Variants in ARHGEF2 observed in about 807,000 individuals in gnomAD.
The protein encoded by ARHGEF2 is Rho/Rac guanine nucleotide exchange factor 2.
In ARHGEF2, 22 loss-of-function variants were observed where a neutral mutation model predicts 121.0. That is an observed-to-expected ratio of 0.18 (90% CI 0.13 to 0.26). ARHGEF2 has a LOEUF of 0.26. ARHGEF2 is among the 10% of genes least tolerant of loss of function. The pLI is 1.00. For synonymous variants in ARHGEF2, 487 were observed against 530.0 expected, an observed-to-expected ratio of 0.92 and a Z score of 1.11; for missense variants, 907 against 1,336.0, an observed-to-expected ratio of 0.68 and a Z score of 5.01.
intron 1 of ARHGEF2, among the ~76,000 whole-genome samples, chr1:155,973,976 C>T (rs978804192): frequency 2.0e-5 from 3 of 151,614 alleles, no homozygotes; most frequent in Admixed American, 6.6e-5. Flanking sequence ...GGCAGATCCA[C>T]CCAGGCGAGG....
chr1:155,956,079 C>A (rs958134488), intron 13 of ARHGEF2, among the ~76,000 whole-genome samples: 1 of 152,024 alleles, frequency 6.6e-6, no homozygotes, highest in Non-Finnish European at 1.5e-5. Context: ...TTATTTTGAA[C>A]TGCTTTCTTG....
Position 155,978,187 on chromosome 1 carries a change from CA to C in ARHGEF2, c.63+177del. On this transcript the variant is annotated intron_variant, in intron 1 of 21. Coordinates refer to ENST00000361247, the MANE Select transcript of ARHGEF2 (RefSeq NM_001162383.2). This position sits in a 1 kb window ranked among gnomAD's most constrained non-coding sequence, Gnocchi z 4.1. ...GCACCGTCGCGTCTGCCGCTCCCCC[CA>C]CCCCTACCCACTCGCTCGCAGTCCC... is the stretch of plus-strand genomic sequence containing the variant. 3 of 1,313,120 alleles carry C rather than the reference CA, an allele frequency of 2.3e-6. No individual in the cohort carries two copies. The highest frequency in any genetic ancestry group is 9.8e-7 in the Non-Finnish European group (1 of 1,025,188). 81.3% of individuals were successfully genotyped at this position (1,313,120 alleles called of 1,614,324 possible). A position where few individuals can be genotyped will look rare whatever the true frequency, so the allele number is the denominator to read the frequency against.
intron 11 of ARHGEF2, 123 bp from the exon 12 acceptor site, chr1:155,958,519 T>C (rs1677150491): frequency 1.5e-6 from 1 of 659,092 alleles, no homozygotes; most frequent in African/African-American, 1.9e-5. Context: ...CTTCCTGGCC[T>C]CTCTTCCCTC....
In ARHGEF2 at chr1:155,969,299, G is replaced by T; in HGVS notation, c.65C>A (p.Thr22Asn). Residue 22 changes from threonine (T) to asparagine (N), a missense_variant and splice_region_variant, in exon 2 of 22, where the codon ACC becomes AAC. Physicochemically the swap from Thr to Asn is moderately conservative, Grantham distance 65 (BLOSUM62 0). Around this residue, in one of 2 missense-constraint regions of ARHGEF2, gnomAD observed 475 missense variants for 776.5 expected, o/e 0.61. Coordinates refer to ENST00000361247, the MANE Select transcript of ARHGEF2 (RefSeq NM_001162383.2). The stretch of plus-strand genomic sequence containing the variant: ...TTCCTTCATCTTCTCCTTTTCCCGG[G>T]TCTGTGGAAGGGATGAGAGGGAGAG... Reference protein sequence around the residue: ...IDRSRELASKTREKEKMKEAK... With the variant: ...IDRSRELASKNREKEKMKEAK... 6.2e-7 allele frequency: 1 copy of T among 1,614,040 alleles called. No individual in the cohort carries two copies. Among genetic ancestry groups the T allele is most frequent in the Non-Finnish European group, 8.5e-7 (1 of 1,180,002 alleles).
chr1:155,978,281 G>C lies in ARHGEF2; in HGVS notation c.63+84C>G. The C allele has an allele frequency of 7.3e-7, 1 of 1,374,740 alleles. No homozygotes were observed. The allele number at this position is 1,374,740 out of a possible 1,614,324, so 85.2% of individuals were successfully genotyped here. A position where few individuals can be genotyped will look rare whatever the true frequency, so the allele number is the denominator to read the frequency against. On this transcript the variant is annotated intron_variant, in intron 1 of 21. Coordinates refer to ENST00000361247, the MANE Select transcript of ARHGEF2 (RefSeq NM_001162383.2). The surrounding 1 kb of genome is among the most constrained non-coding windows in gnomAD (Gnocchi z 4.1). Reference sequence around the variant, plus strand: ...GATTTTGGCGCCCAGAAAGCAGGCGGGGAGACAGGAGATGCACCGCGGGTG... The same window carrying C: ...GATTTTGGCGCCCAGAAAGCAGGCGCGGAGACAGGAGATGCACCGCGGGTG...
chr1:155,957,955 C>T (rs540853475), intron 12 of ARHGEF2, 73 bp from the exon 13 acceptor site: 2 of 1,478,800 alleles, frequency 1.4e-6, no homozygotes, highest in African/African-American at 2.8e-5. Flanking sequence ...TTCAATCCTT[C>T]TGGACGAGGA....
chr1:155,969,256 A>G lies in ARHGEF2; in HGVS notation c.108T>C (p.Tyr36=). The part of the protein sequence containing the change: ...EKMKEAKDAR[Y]TNGHLFTTIS... ...TGGTGGTGAAGAGGTGCCCATTGGTATAGCGGGCATCCTTGGCTTCCTTCA... is the reference window on the plus strand; with the variant it reads ...TGGTGGTGAAGAGGTGCCCATTGGTGTAGCGGGCATCCTTGGCTTCCTTCA... Residue 36 remains tyrosine, a synonymous_variant, in exon 2 of 22, where the codon TAT becomes TAC. Coordinates refer to ENST00000361247, the MANE Select transcript of ARHGEF2 (RefSeq NM_001162383.2). The G allele has an allele frequency of 6.2e-7, 1 of 1,614,060 alleles. No individual in the cohort carries two copies. Among genetic ancestry groups the G allele is most frequent in the Non-Finnish European group, 8.5e-7 (1 of 1,179,914 alleles).
rs945389417 is a variant in ARHGEF2, at chr1:155,947,794, C to T, written c.*148G>A. The stretch of plus-strand genomic sequence containing the variant: ...CTAATTCCCCTAGCTTCTTAAATGG[C>T]CCCAGGTATCCAAGGATCCCAAGAG... On this transcript the variant is annotated 3_prime_UTR_variant, in exon 22 of 22. Transcript: ENST00000361247. 3 of 585,738 alleles carry T rather than the reference C, an allele frequency of 5.1e-6. No individual in the cohort carries two copies. Among genetic ancestry groups the T allele is most frequent in the East Asian group, 5.8e-5 (2 of 34,420 alleles). The allele number at this position is 585,738 out of a possible 1,614,324, so 36.3% of individuals were successfully genotyped here.
At chr1:155,959,287 C>T (rs1286321183) in intron 11 of ARHGEF2, among the ~76,000 whole-genome samples, 1 of 151,976 alleles carries the variant, frequency 6.6e-6, no homozygotes, top group African/African-American at 2.4e-5. Context: ...CTCACTCTGT[C>T]GCCTAGGCTG....
At chr1:155,974,036 T>C (rs1371478442) in intron 1 of ARHGEF2, among the ~76,000 whole-genome samples, 1 of 152,028 alleles carries the variant, frequency 6.6e-6, no homozygotes, top group East Asian at 1.9e-4. Context: ...TTTTTTTTTT[T>C]AATAATAGAT....
At chr1:155,977,336 G>A (rs1162433223) in intron 1 of ARHGEF2, among the ~76,000 whole-genome samples, 1 of 152,176 alleles carries the variant, frequency 6.6e-6, no homozygotes, top group Non-Finnish European at 1.5e-5. Flanking sequence ...GGGTCTGGGT[G>A]TGGAAAGGTC....
chr1:155,969,807 G>T (rs557915138), intron 1 of ARHGEF2: 88 of 986,906 alleles, frequency 8.9e-5, no homozygotes, highest in Admixed American at 1.2e-4. Flanking sequence ...AGTCACAGTG[G>T]GGGGGGCAGG....
chr1:155,947,182 G>C lies in ARHGEF2; in HGVS notation c.*760C>G, dbSNP rs576612065. Reference sequence around the variant, plus strand: ...TTCTTCAGAGATGTGGAGATAGGAGGCTTCGATCTCTAATTGCCTACGATC... The same window carrying C: ...TTCTTCAGAGATGTGGAGATAGGAGCCTTCGATCTCTAATTGCCTACGATC... On this transcript the variant is annotated 3_prime_UTR_variant, in exon 22 of 22. Coordinates refer to ENST00000361247, the MANE Select transcript of ARHGEF2 (RefSeq NM_001162383.2). 2 of 365,074 alleles carry C rather than the reference G, an allele frequency of 5.5e-6. No homozygotes were observed. Among genetic ancestry groups the C allele is most frequent in the Non-Finnish European group, 1.1e-5 (2 of 185,196 alleles). The allele number at this position is 365,074 out of a possible 1,614,324, so 22.6% of individuals were successfully genotyped here. A position where few individuals can be genotyped will look rare whatever the true frequency, so the allele number is the denominator to read the frequency against.
At chr1:155,966,767 A>T in intron 3 of ARHGEF2, 53 bp downstream of exon 3, 1 of 1,495,472 alleles carries the variant, frequency 6.7e-7, no homozygotes, top group Non-Finnish European at 9.3e-7. Flanking sequence ...GCATGAGGGT[A>T]CCGCACACTC....
At chr1:155,971,636 A>T (rs1680483915) in intron 1 of ARHGEF2, among the ~76,000 whole-genome samples, 1 of 151,084 alleles carries the variant, frequency 6.6e-6, no homozygotes, top group East Asian at 1.9e-4. Flanking sequence ...CAGGACCTCA[A>T]ACACCAAGTC....
chr1:155,963,408 C>T (rs1422484507), intron 7 of ARHGEF2, among the ~76,000 whole-genome samples: 7 of 145,194 alleles, frequency 4.8e-5, no homozygotes, highest in Admixed American at 7.0e-5. Flanking sequence ...TGCAATGGCG[C>T]GATCTCAGCT....
chr1:155,973,983 G>A (rs956188695), intron 1 of ARHGEF2, among the ~76,000 whole-genome samples: 13 of 152,008 alleles, frequency 8.6e-5, no homozygotes, highest in African/African-American at 2.4e-4. Context: ...CCACCCAGGC[G>A]AGGTAGAGCT....
intron 1 of ARHGEF2, chr1:155,970,631 T>C (rs1680269944): frequency 2.0e-6 from 2 of 985,302 alleles, no homozygotes; most frequent in Non-Finnish European, 2.4e-6. Context: ...GCCCGGACTC[T>C]AGGAGACCAG....
Position 155,947,581 on chromosome 1 carries a change from T to C in ARHGEF2, c.*361A>G. The stretch of plus-strand genomic sequence containing the variant: ...GTGGATGAGCCTGAATATACCCCAG[T>C]AGTGTTCAAGGACAAGGCCCTCTGA... On this transcript the variant is annotated 3_prime_UTR_variant, in exon 22 of 22. Transcript: ENST00000361247. 2.7e-6 allele frequency: 1 copy of C among 374,590 alleles called. No individual in the cohort carries two copies. The highest frequency in any genetic ancestry group is 2.1e-5 in the South Asian group (1 of 47,292). The allele number at this position is 374,590 out of a possible 1,614,324, so 23.2% of individuals were successfully genotyped here. A position where few individuals can be genotyped will look rare whatever the true frequency, so the allele number is the denominator to read the frequency against.
Sources: gnomAD v4.1 joint callset for allele counts (sites outside exome capture counted in the v4.1 genomes callset) on GRCh38, gnomAD v4.1.1 for gene constraint, gnomAD v4.1.1 regional missense constraint, Gnocchi (gnomAD v3.1) non-coding constraint, MANE v1.5 for transcripts, NCBI Gene and HGNC (gene_info 2026-07-23, HGNC 2026-07-21) for gene names.